ATXN1: variants seen among roughly 807,000 people sequenced by gnomAD.
The protein encoded by ATXN1 is ataxin-1.
In ATXN1, 8 loss-of-function variants were observed where a neutral mutation model predicts 56.4. The observed-to-expected ratio is 0.14, with a 90% CI of 0.08 to 0.26. The LOEUF (loss-of-function observed/expected upper bound fraction) is 0.26, where lower values mean the gene tolerates loss of function less well. Among genes scored for constraint, ATXN1 ranks in the 10% least tolerant of loss-of-function variants. ATXN1 has a pLI of 1.00. For missense variants in ATXN1, 987 were observed against 1,106.5 expected, an observed-to-expected ratio of 0.89 and a Z score of 1.53; for synonymous variants, 514 against 494.6, an observed-to-expected ratio of 1.04 and a Z score of -0.52.
At chr6:16,331,628 T>C (rs1229147804) in intron 6 of ATXN1, among the ~76,000 whole-genome samples, 1 of 152,120 alleles carries the variant, frequency 6.6e-6, no homozygotes, top group Non-Finnish European at 1.5e-5. Context: ...GCCCAGCCAG[T>C]AAGGGAATAG....
Position 16,530,320 on chromosome 6 carries a change from T to A in ATXN1, c.-360-7632A>T, listed in dbSNP as rs143284119. ...GATCCAGAAGAGAAATACTGATTGCTATATTTCAGGGGTGAAAAAAGGTCA... is the reference window on the plus strand; with the variant it reads ...GATCCAGAAGAGAAATACTGATTGCAATATTTCAGGGGTGAAAAAAGGTCA... On this transcript the variant is annotated intron_variant, in intron 4 of 7. Transcript: ENST00000436367. Among the ~76,000 whole-genome samples, 48 of 152,320 alleles carry A rather than the reference T, an allele frequency of 3.2e-4. 1 individual carries two copies. The East Asian group carries it at 9.1e-3, about 29-fold the overall frequency.
chr6:16,657,530 T>C (rs905733157), intron 3 of ATXN1, among the ~76,000 whole-genome samples: 43 of 152,244 alleles, frequency 2.8e-4, no homozygotes, highest in African/African-American at 1.0e-3. Context: ...GCTTTTGTTC[T>C]TTTTTCTAAC....
At chr6:16,702,704 A>T (rs930888284) in intron 2 of ATXN1, among the ~76,000 whole-genome samples, 6 of 152,268 alleles carry the variant, frequency 3.9e-5, no homozygotes, top group Non-Finnish European at 5.9e-5. Context: ...TCAAAAGAAG[A>T]CATTTATGCA....
chr6:16,515,713 G>T (rs1350870466), intron 5 of ATXN1, among the ~76,000 whole-genome samples: 1 of 152,110 alleles, frequency 6.6e-6, no homozygotes, highest in Admixed American at 6.5e-5. Flanking sequence ...CTCAGCATAT[G>T]CGTGGCCCCT....
intron 6 of ATXN1, among the ~76,000 whole-genome samples, chr6:16,446,461 C>T (rs552521147): frequency 2.0e-4 from 30 of 152,346 alleles, no homozygotes; most frequent in African/African-American, 6.7e-4. Context: ...ACATTCCTGA[C>T]ATCAGCTTAC....
intron 6 of ATXN1, among the ~76,000 whole-genome samples, chr6:16,348,464 G>A (rs568065710): frequency 5.3e-5 from 8 of 152,196 alleles, no homozygotes; most frequent in South Asian, 2.1e-4. Context: ...TTCAGAGGCC[G>A]AGGGGGGGCA....
rs369914249 is a variant in ATXN1, at chr6:16,445,034, T to C, written c.-161+40938A>G. ...GGTCTGGTTTCTCAACAGAAAAAAC[T>C]GCAAAATAAAAAAAAGACATAGGTG... On this transcript the variant is annotated intron_variant, in intron 6 of 7. Transcript: ENST00000436367. 2.0e-4 allele frequency among the ~76,000 whole-genome samples: 31 copies of C among 151,938 alleles called. No individual in the cohort carries two copies. The East Asian group carries it at 4.1e-3, about 20-fold the overall frequency.
Position 16,358,306 on chromosome 6 carries a change from C to T in ATXN1, c.-160-29836G>A, listed in dbSNP as rs187818907. On this transcript the variant is annotated intron_variant, in intron 6 of 7. Coordinates refer to ENST00000436367, the MANE Select transcript of ATXN1 (RefSeq NM_001128164.2). ...ACCATTTGATCCAACAATCCCACTACTGGGTATCTACCCAGAGGAGACGTC... is the reference window on the plus strand; with the variant it reads ...ACCATTTGATCCAACAATCCCACTATTGGGTATCTACCCAGAGGAGACGTC... Among the ~76,000 whole-genome samples, 941 of 152,320 alleles carry T rather than the reference C, an allele frequency of 6.2e-3. 4 individuals are homozygous for T. The highest frequency in any genetic ancestry group is 0.024 in the Middle Eastern group (7 of 294).
chr6:16,745,010 G>C (rs1760475616), intron 2 of ATXN1, among the ~76,000 whole-genome samples: 2 of 152,188 alleles, frequency 1.3e-5, no homozygotes, highest in South Asian at 4.1e-4. Context: ...ACTTCCATTT[G>C]CTAATTGTAA....
rs572777891 is a variant in ATXN1, at chr6:16,551,079, C to T, written c.-360-28391G>A. ...TAATTCAACCTAACATCCTTGGAGA[C>T]ATAACACTGGAGATAAAATAACATA... On this transcript the variant is annotated intron_variant, in intron 4 of 7. Transcript: ENST00000436367. 3.9e-5 allele frequency among the ~76,000 whole-genome samples: 6 copies of T among 152,242 alleles called. No homozygotes were observed. The South Asian group carries it at 1.2e-3, about 32-fold the overall frequency.
intron 6 of ATXN1, among the ~76,000 whole-genome samples, chr6:16,463,098 C>T (rs1368535844): frequency 1.3e-5 from 2 of 152,140 alleles, no homozygotes; most frequent in Non-Finnish European, 2.9e-5. Flanking sequence ...CAGGGAGTCA[C>T]TCAGTTTGCT....
intron 4 of ATXN1, among the ~76,000 whole-genome samples, chr6:16,564,189 T>A (rs1762172359): frequency 6.6e-6 from 1 of 152,188 alleles, no homozygotes; most frequent in South Asian, 2.1e-4. Flanking sequence ...CATTCATACT[T>A]AGCAAAAGTT....
At position 16,761,446 on chromosome 6, in the gene ATXN1, C is replaced by A; in HGVS notation, c.-878G>T. 1 of 456,912 alleles carries A rather than the reference C, an allele frequency of 2.2e-6. No individual in the cohort carries two copies. The highest frequency in any genetic ancestry group is 1.5e-5 in the South Asian group (1 of 65,014). The allele number at this position is 456,912 out of a possible 1,614,324, so 28.3% of individuals were successfully genotyped here. On this transcript the variant is annotated 5_prime_UTR_variant, in exon 1 of 8. Transcript: ENST00000436367. ...TGAAACAGGTCCTGTACGGCTCCGC[C>A]ACTGTAGTAGAAATGATGTCTGCGG...
intron 2 of ATXN1, among the ~76,000 whole-genome samples, chr6:16,725,042 C>G (rs1242130894): frequency 6.6e-6 from 1 of 152,092 alleles, no homozygotes; most frequent in Non-Finnish European, 1.5e-5. Context: ...AAATTATGAT[C>G]CATTTGAGAG....
At chr6:16,571,287 T>G (rs1174255137) in intron 4 of ATXN1, among the ~76,000 whole-genome samples, 1 of 152,074 alleles carries the variant, frequency 6.6e-6, no homozygotes, top group Non-Finnish European at 1.5e-5. Flanking sequence ...ACCATTACAA[T>G]TTTGAAATAT....
Position 16,306,560 on chromosome 6 carries a change from A to T in ATXN1, c.2217T>A (p.Ser739=). Residue 739 remains serine, a synonymous_variant, in exon 8 of 8, where the codon TCT becomes TCA. Coordinates refer to ENST00000436367, the MANE Select transcript of ATXN1 (RefSeq NM_001128164.2). This position sits in a 1 kb window ranked among gnomAD's most constrained non-coding sequence, Gnocchi z 5.2. ...CTGGAAACTTCAGTTCGCCATTCTC[A>T]GAGAGCATCTGGGCACTCCCCTGGT... is the stretch of plus-strand genomic sequence containing the variant. ...GINQGSAQML[S]ENGELKFPEK... 1 of 1,614,194 alleles carries T rather than the reference A, an allele frequency of 6.2e-7. No homozygotes were observed. Among genetic ancestry groups the T allele is most frequent in the South Asian group, 1.1e-5 (1 of 91,084 alleles).
chr6:16,695,133 T>A (rs770935723), intron 2 of ATXN1, among the ~76,000 whole-genome samples: 2 of 152,166 alleles, frequency 1.3e-5, no homozygotes, highest in Non-Finnish European at 2.9e-5. Context: ...GAGACTATGA[T>A]GGGCATGGTC....
chr6:16,579,110 C>A (rs910169979), intron 4 of ATXN1, among the ~76,000 whole-genome samples: 1 of 152,174 alleles, frequency 6.6e-6, no homozygotes, highest in African/African-American at 2.4e-5. Context: ...GTGATGATCC[C>A]TCTGTGTCAT....
chr6:16,610,524 A>G (rs1763085700), intron 3 of ATXN1, among the ~76,000 whole-genome samples: 2 of 152,082 alleles, frequency 1.3e-5, no homozygotes, highest in African/African-American at 4.8e-5. Flanking sequence ...TCTAATGGCA[A>G]AGGGTTCTGA....
Sources: allele counts gnomAD v4.1 joint callset (sites outside exome capture counted in the v4.1 genomes callset), GRCh38; gene constraint gnomAD v4.1.1; non-coding constraint Gnocchi (gnomAD v3.1); transcripts MANE v1.5; gene names NCBI Gene and HGNC (gene_info 2026-07-23, HGNC 2026-07-21).